PRKAR1A: variants seen among roughly 807,000 people sequenced by gnomAD.
PRKAR1A encodes the protein protein kinase cAMP-dependent type I regulatory subunit alpha.
In PRKAR1A, 3 loss-of-function variants were observed where a neutral mutation model predicts 52.0. That is an observed-to-expected ratio of 0.06 (90% CI 0.03 to 0.15). The LOEUF (loss-of-function observed/expected upper bound fraction) is 0.15. Among genes scored for constraint, PRKAR1A ranks in the 10% least tolerant of loss-of-function variants. The pLI is 1.00. For synonymous variants in PRKAR1A, 188 were observed against 168.4 expected (o/e 1.12, Z -0.90); for missense variants, 240 against 477.4 (o/e 0.50, Z 4.63).
chr17:68,548,864 C>T (rs566789662), intron 11 of PRKAR1A, among the ~76,000 whole-genome samples: 13 of 151,236 alleles, frequency 8.6e-5, no homozygotes, highest in Non-Finnish European at 1.6e-4. Flanking sequence ...TCCCGAGCAG[C>T]TGGGACTACC....
intron 2 of PRKAR1A, among the ~76,000 whole-genome samples, chr17:68,516,270 A>C (rs982806513): frequency 6.6e-6 from 1 of 152,212 alleles, no homozygotes; most frequent in African/African-American, 2.4e-5. Flanking sequence ...ATAATTTTAC[A>C]TCAGGGATAA....
the PRKAR1A span, among the ~76,000 whole-genome samples, chr17:68,435,950 G>A: frequency 6.6e-5 from 10 of 152,254 alleles, no homozygotes; most frequent in Non-Finnish European, 1.3e-4. Flanking sequence ...GGCCACGAAC[G>A]GAGCACCTGA....
the PRKAR1A span, among the ~76,000 whole-genome samples, chr17:68,430,705 T>C: frequency 6.6e-6 from 1 of 152,208 alleles, no homozygotes; most frequent in African/African-American, 2.4e-5. Context: ...GGACCTGGGA[T>C]GTCGCCTACA....
rs1261169644 is a variant in PRKAR1A, at chr17:68,531,249, A to G, written c.*800A>G. The G allele has an allele frequency of 9.4e-7, 1 of 1,066,300 alleles. No homozygotes were observed. Among genetic ancestry groups the G allele is most frequent in the African/African-American group, 1.6e-5 (1 of 61,118 alleles). The allele number at this position is 1,066,300 out of a possible 1,614,324, so 66.1% of individuals were successfully genotyped here. A position where few individuals can be genotyped will look rare whatever the true frequency, so the allele number is the denominator to read the frequency against. ...ATTAGACCTTTATCCAGCTAGTGCC[A>G]AATAATTGATCAGATGCTGAATTGA... is the stretch of plus-strand genomic sequence containing the variant. On this transcript the variant is annotated 3_prime_UTR_variant, in exon 11 of 11. Coordinates refer to ENST00000589228, the MANE Select transcript of PRKAR1A (RefSeq NM_002734.5).
At chr17:68,443,087 CT>C in the PRKAR1A span, among the ~76,000 whole-genome samples, 19 of 152,078 alleles carry the variant, frequency 1.2e-4, no homozygotes, top group Admixed American at 3.3e-4. Context: ...TGGCTTTGTT[CT>C]TTTATTTATT....
At chr17:68,530,240 T>G (rs1195726664) in intron 10 of PRKAR1A, 37 bp from the exon 11 acceptor site, 1 of 1,610,382 alleles carries the variant, frequency 6.2e-7, no homozygotes, top group Non-Finnish European at 8.5e-7. Flanking sequence ...ATGTTTTTCA[T>G]AGAAGTTAGC....
the PRKAR1A span, among the ~76,000 whole-genome samples, chr17:68,489,081 G>A: frequency 6.7e-6 from 1 of 148,318 alleles, no homozygotes; most frequent in Non-Finnish European, 1.5e-5. Flanking sequence ...AACCCCAGAG[G>A]TGGGGCTGAC....
At chr17:68,524,145 T>C in intron 5 of PRKAR1A, 68 bp downstream of exon 5, 2 of 1,538,676 alleles carry the variant, frequency 1.3e-6, no homozygotes, top group Non-Finnish European at 1.8e-6. Context: ...TTTTTTGGTT[T>C]TGTTTTATTG....
chr17:68,531,133 A>G lies in PRKAR1A; in HGVS notation c.*684A>G. 9.4e-7 allele frequency: 1 copy of G among 1,066,782 alleles called. No individual in the cohort carries two copies. Among genetic ancestry groups the G allele is most frequent in the Non-Finnish European group, 1.1e-6 (1 of 879,948 alleles). 66.1% of individuals were successfully genotyped at this position (1,066,782 alleles called of 1,614,324 possible). ...TTCTGAAATACTTTTGAGTATGGCT[A>G]TCTATACCTGCCTTTTAAGTTTGAA... On this transcript the variant is annotated 3_prime_UTR_variant, in exon 11 of 11. Transcript: ENST00000589228.
chr17:68,485,007 C>T, the PRKAR1A span, among the ~76,000 whole-genome samples: 8 of 152,308 alleles, frequency 5.3e-5, no homozygotes, highest in East Asian at 3.9e-4. Flanking sequence ...AAGAGATCCA[C>T]GGAATATATT....
Position 68,530,533 on chromosome 17 carries a change from C to T in PRKAR1A, c.*84C>T, listed in dbSNP as rs563552426. 2.0e-5 allele frequency: 32 copies of T among 1,610,566 alleles called. 1 individual carries two copies. Among genetic ancestry groups the T allele is most frequent in the Middle Eastern group, 3.3e-4 (2 of 6,056 alleles). ...ACTGCTTTATTTTCCCTACTTGCAG[C>T]GCCAAGTGGCCACTGGCATCGCAGC... is the stretch of plus-strand genomic sequence containing the variant. On this transcript the variant is annotated 3_prime_UTR_variant, in exon 11 of 11. Transcript: ENST00000589228.
At chr17:68,505,073 C>T in the PRKAR1A span, among the ~76,000 whole-genome samples, 2 of 152,222 alleles carry the variant, frequency 1.3e-5, no homozygotes, top group East Asian at 3.9e-4. Flanking sequence ...CAAGGCAGGC[C>T]TTCTTGAGCC....
intron 11 of PRKAR1A, among the ~76,000 whole-genome samples, chr17:68,546,862 AAGTT>A (rs1424129805): frequency 6.6e-6 from 1 of 151,734 alleles, no homozygotes; most frequent in Non-Finnish European, 1.5e-5. Context: ...TAAGACTTGA[AAGTT>A]AGAATGACTC....
chr17:68,463,882 A>G, the PRKAR1A span, among the ~76,000 whole-genome samples: 7 of 152,194 alleles, frequency 4.6e-5, no homozygotes, highest in Non-Finnish European at 1.0e-4. Flanking sequence ...AAAGAAATTG[A>G]AGGTGTCTTG....
At chr17:68,527,018 C>T (rs554050869) in intron 7 of PRKAR1A, among the ~76,000 whole-genome samples, 1 of 152,298 alleles carries the variant, frequency 6.6e-6, no homozygotes, top group Non-Finnish European at 1.5e-5. Context: ...ACTGACCATA[C>T]AGTTAGTTCT....
At chr17:68,428,954 CAT>C in the PRKAR1A span, 18 of 1,597,402 alleles carry the variant, frequency 1.1e-5, no homozygotes, top group African/African-American at 5.4e-5. Flanking sequence ...CCAAGGAAAA[CAT>C]AAACCGTGAT....
chr17:68,458,940 G>A, the PRKAR1A span, among the ~76,000 whole-genome samples: 1 of 150,844 alleles, frequency 6.6e-6, no homozygotes, highest in African/African-American at 2.4e-5. Flanking sequence ...TTATGTATGT[G>A]TATATATATA....
the PRKAR1A span, among the ~76,000 whole-genome samples, chr17:68,465,758 C>G: frequency 6.6e-6 from 1 of 150,600 alleles, no homozygotes; most frequent in East Asian, 2.0e-4. Context: ...CATGAGCCAT[C>G]GCGCCCGGCC....
At chr17:68,507,501 A>C (rs7222188), upstream of PRKAR1A, among the ~76,000 whole-genome samples, 113,254 of 152,052 alleles carry the variant, frequency 0.74, 42,673 homozygotes, top group East Asian at 0.94. Flanking sequence ...CCTGTTGGGG[A>C]GGCAGGGAGG....
Sources: allele counts gnomAD v4.1 joint callset (sites outside exome capture counted in the v4.1 genomes callset), GRCh38; gene constraint gnomAD v4.1.1; transcripts MANE v1.5; gene names NCBI Gene and HGNC (gene_info 2026-07-23, HGNC 2026-07-21).